Variants in RAD51B observed in about 807,000 individuals in gnomAD.
RAD51B encodes the protein RAD51 paralog B.
In RAD51B, 38 loss-of-function variants were observed where a neutral mutation model predicts 42.2. The observed-to-expected ratio is 0.90, with a 90% CI of 0.70 to 1.18. The LOEUF is 1.18. Among genes scored for constraint, RAD51B ranks in the 50% most tolerant of loss-of-function variants. The probability of loss-of-function intolerance (pLI) is 0.00; values close to 1 mark genes in which losing one functional copy is unlikely to be tolerated. For missense variants in RAD51B, 373 were observed against 400.7 expected, an observed-to-expected ratio of 0.93 and a Z score of 0.59; for synonymous variants, 154 against 145.2, an observed-to-expected ratio of 1.06 and a Z score of -0.43.
At chr14:68,502,332 A>G (rs1489061333) in intron 10 of RAD51B, among the ~76,000 whole-genome samples, 2 of 152,164 alleles carry the variant, frequency 1.3e-5, no homozygotes, top group African/African-American at 2.4e-5. Flanking sequence ...CTCAGCCCCT[A>G]CGAAAACTGA....
intron 7 of RAD51B, among the ~76,000 whole-genome samples, chr14:68,184,636 A>G (rs991126011): frequency 6.6e-6 from 1 of 151,262 alleles, no homozygotes; most frequent in Non-Finnish European, 1.5e-5. Context: ...AAAAAAAAAA[A>G]CAGGAAGAAG....
intron 7 of RAD51B, among the ~76,000 whole-genome samples, chr14:67,953,573 G>A (rs1210540089): frequency 1.3e-5 from 2 of 152,124 alleles, no homozygotes; most frequent in African/African-American, 4.8e-5. Context: ...AGTGGAGTCG[G>A]GAGAGGTTAG....
At chr14:68,660,092 C>T (rs565621343) in intron 11 of RAD51B, among the ~76,000 whole-genome samples, 38 of 152,344 alleles carry the variant, frequency 2.5e-4, no homozygotes, top group Middle Eastern at 3.4e-3. Context: ...CAGTAACCCA[C>T]AGGAGCAAAG....
chr14:67,961,155 C>T lies in RAD51B; in HGVS notation c.756+73951C>T, dbSNP rs369998451. 5.3e-5 allele frequency among the ~76,000 whole-genome samples: 8 copies of T among 151,700 alleles called. No individual in the cohort carries two copies. In the South Asian group the frequency reaches 1.3e-3, roughly 24 times the overall value. ...CCGAGTAGCTGGGGCCACAGGTGTG[C>T]GCCACCACACCTGGCTAATTTTTTT... On this transcript the variant is annotated intron_variant, in intron 7 of 10. Transcript: ENST00000471583.
chr14:68,658,890 C>G (rs748253267), intron 11 of RAD51B, among the ~76,000 whole-genome samples: 2 of 152,240 alleles, frequency 1.3e-5, no homozygotes, highest in African/African-American at 2.4e-5. Context: ...AAGTTATTAA[C>G]TTGTCTAAAG....
chr14:68,383,347 G>A (rs921092286), intron 8 of RAD51B, among the ~76,000 whole-genome samples: 11 of 152,190 alleles, frequency 7.2e-5, no homozygotes, highest in Non-Finnish European at 1.5e-4. Context: ...GTGGAGGGAT[G>A]CTACTGGTGT....
At chr14:67,937,751 A>C (rs1187524242) in intron 7 of RAD51B, among the ~76,000 whole-genome samples, 1 of 149,722 alleles carries the variant, frequency 6.7e-6, no homozygotes, top group African/African-American at 2.6e-5. Flanking sequence ...ATTCCATTTG[A>C]AATCCTTCTT....
At position 68,052,943 on chromosome 14, in the gene RAD51B, A is replaced by G. The variant is rs116098044; in HGVS notation, c.756+165739A>G. ...CCACCGTGTCCGGCCAATTTCTTGT[A>G]TGGATACCAAACTGTGTCTTATCCT... On this transcript the variant is annotated intron_variant, in intron 7 of 10. Coordinates refer to ENST00000471583, the MANE Select transcript of RAD51B (RefSeq NM_133510.4). Among the ~76,000 whole-genome samples the G allele has an allele frequency of 8.5e-3, 1,285 of 152,056 alleles. 16 individuals are homozygous for G. Among genetic ancestry groups the G allele is most frequent in the African/African-American group, 0.029 (1,197 of 41,482 alleles).
chr14:68,657,885 C>T (rs984464651), intron 11 of RAD51B, among the ~76,000 whole-genome samples: 3 of 152,238 alleles, frequency 2.0e-5, no homozygotes, highest in Non-Finnish European at 4.4e-5. Flanking sequence ...GATAAGAGGA[C>T]ATCTCCTGCC....
intron 10 of RAD51B, among the ~76,000 whole-genome samples, chr14:68,499,132 C>G (rs1884744399): frequency 6.6e-6 from 1 of 152,088 alleles, no homozygotes; most frequent in Admixed American, 6.6e-5. Context: ...GGGGCTTTGC[C>G]AGAAGGGGGC....
chr14:67,840,156 G>T (rs1234352397), intron 4 of RAD51B, among the ~76,000 whole-genome samples: 2 of 152,138 alleles, frequency 1.3e-5, no homozygotes, highest in Admixed American at 1.3e-4. Flanking sequence ...GGTTCAGGGG[G>T]TATATGTACA....
chr14:68,027,333 C>G (rs1286557410), intron 7 of RAD51B, among the ~76,000 whole-genome samples: 1 of 151,910 alleles, frequency 6.6e-6, no homozygotes, highest in African/African-American at 2.4e-5. Flanking sequence ...GGATGGTAAT[C>G]TTGTATGGTA....
chr14:68,334,463 C>T (rs1010037934), intron 8 of RAD51B, among the ~76,000 whole-genome samples: 6 of 152,106 alleles, frequency 3.9e-5, no homozygotes, highest in African/African-American at 1.4e-4. Context: ...ACAGGAGGAG[C>T]TGGTCTTGCT....
intron 7 of RAD51B, among the ~76,000 whole-genome samples, chr14:68,203,549 G>A (rs1234106082): frequency 6.6e-6 from 1 of 152,226 alleles, no homozygotes; most frequent in Non-Finnish European, 1.5e-5. Flanking sequence ...TTGGCTTCAA[G>A]TTAGAGTCAT....
intron 7 of RAD51B, among the ~76,000 whole-genome samples, chr14:68,239,378 A>G (rs1335882738): frequency 1.3e-5 from 2 of 152,156 alleles, no homozygotes; most frequent in Non-Finnish European, 2.9e-5. Context: ...GAACACTTAC[A>G]ACCCTGCTTT....
At chr14:68,430,587 C>T (rs566555369) in intron 9 of RAD51B, among the ~76,000 whole-genome samples, 3 of 152,220 alleles carry the variant, frequency 2.0e-5, no homozygotes, top group Middle Eastern at 3.4e-3. Flanking sequence ...GTGATTTTTG[C>T]ACATTGATTT....
intron 7 of RAD51B, among the ~76,000 whole-genome samples, chr14:68,028,081 G>C (rs896835155): frequency 3.3e-5 from 5 of 152,164 alleles, no homozygotes; most frequent in Non-Finnish European, 7.3e-5. Flanking sequence ...ATGGAGTTAG[G>C]GGGGCATATT....
chr14:67,980,682 G>A (rs1195516564), intron 7 of RAD51B, among the ~76,000 whole-genome samples: 1 of 151,932 alleles, frequency 6.6e-6, no homozygotes, highest in Non-Finnish European at 1.5e-5. Context: ...TAAAACAATT[G>A]GATATTCATG....
chr14:68,072,210 T>TTTTATA (rs1401578093), intron 7 of RAD51B, among the ~76,000 whole-genome samples: 2 of 136,878 alleles, frequency 1.5e-5, no homozygotes, highest in Non-Finnish European at 3.1e-5. Flanking sequence ...TTTCTAGGTT[T>TTTTATA]TATATATATA....
Sources: gnomAD v4.1 joint callset for allele counts (sites outside exome capture counted in the v4.1 genomes callset) on GRCh38, gnomAD v4.1.1 for gene constraint, MANE v1.5 for transcripts, NCBI Gene and HGNC (gene_info 2026-07-23, HGNC 2026-07-21) for gene names.